C8orf34: variants seen among roughly 807,000 people sequenced by gnomAD.
C8orf34 encodes uncharacterized protein C8orf34.
In C8orf34, 65 loss-of-function variants were observed where a neutral mutation model predicts 68.3. The observed-to-expected ratio is 0.95, with a 90% CI of 0.78 to 1.17. The LOEUF is 1.17. Ranked by LOEUF, C8orf34 falls within the 50% of genes most tolerant of loss-of-function variation. C8orf34 has a pLI of 0.00. For synonymous variants in C8orf34, 244 were observed against 241.2 expected (o/e 1.01, Z -0.11); for missense variants, 664 against 655.4 (o/e 1.01, Z -0.14).
chr8:68,737,393 A>C (rs1822151538), intron 10 of C8orf34, among the ~76,000 whole-genome samples: 1 of 152,058 alleles, frequency 6.6e-6, no homozygotes, highest in Non-Finnish European at 1.5e-5. Flanking sequence ...TCTCCACTGC[A>C]ACTTCCTGAT....
At chr8:68,512,831 AC>A (rs1814336718) in intron 5 of C8orf34, among the ~76,000 whole-genome samples, 1 of 151,652 alleles carries the variant, frequency 6.6e-6, no homozygotes, top group Non-Finnish European at 1.5e-5. Flanking sequence ...GTTCTTACAC[AC>A]CTTGCATGTA....
At chr8:68,372,325 A>G (rs1483910349) in intron 1 of C8orf34, among the ~76,000 whole-genome samples, 1 of 152,154 alleles carries the variant, frequency 6.6e-6, no homozygotes, top group African/African-American at 2.4e-5. Flanking sequence ...GGAAGCAGCT[A>G]CCCCTAAAGC....
At chr8:68,774,562 C>T (rs11995110) in intron 10 of C8orf34, among the ~76,000 whole-genome samples, 74,695 of 151,106 alleles carry the variant, frequency 0.49, 20,924 homozygotes, top group African/African-American at 0.76. Flanking sequence ...ATTTAAACTA[C>T]GGCATATTAA....
intron 7 of C8orf34, among the ~76,000 whole-genome samples, chr8:68,618,002 T>A (rs1451005515): frequency 6.6e-6 from 1 of 152,026 alleles, no homozygotes; most frequent in Admixed American, 6.6e-5. Flanking sequence ...TCTTTTTTCT[T>A]TTATGCCTTT....
intron 10 of C8orf34, among the ~76,000 whole-genome samples, chr8:68,755,827 C>T (rs542095763): frequency 2.6e-5 from 4 of 151,758 alleles, no homozygotes; most frequent in South Asian, 2.1e-4. Flanking sequence ...TTTGGGAGGC[C>T]GAAGCAGGTG....
intron 8 of C8orf34, among the ~76,000 whole-genome samples, chr8:68,643,861 A>G (rs1490440239): frequency 1.3e-5 from 2 of 152,210 alleles, no homozygotes; most frequent in Non-Finnish European, 2.9e-5. Context: ...AAATCAGTGC[A>G]GCTGATAACA....
intron 3 of C8orf34, among the ~76,000 whole-genome samples, chr8:68,466,762 T>G (rs1014804943): frequency 4.6e-5 from 6 of 131,284 alleles, no homozygotes; most frequent in Non-Finnish European, 8.3e-5. Context: ...TATATATATA[T>G]ATAGATGCTT....
At chr8:68,431,287 T>C (rs977928985) in intron 1 of C8orf34, among the ~76,000 whole-genome samples, 4 of 152,234 alleles carry the variant, frequency 2.6e-5, no homozygotes, top group Non-Finnish European at 5.9e-5. Context: ...TACACATTTT[T>C]TATAAATGAT....
intron 12 of C8orf34, among the ~76,000 whole-genome samples, chr8:68,790,239 C>T (rs1244155727): frequency 6.6e-6 from 1 of 152,182 alleles, no homozygotes; most frequent in Non-Finnish European, 1.5e-5. Context: ...GATCATCTGC[C>T]TCTGTCTCAG....
chr8:68,510,519 G>T (rs1002402380), intron 5 of C8orf34, among the ~76,000 whole-genome samples: 3 of 152,086 alleles, frequency 2.0e-5, no homozygotes, highest in Non-Finnish European at 1.5e-5. Flanking sequence ...GAACAAGCAG[G>T]GTTAGTCTAA....
chr8:68,803,892 T>C (rs980982987), intron 12 of C8orf34, among the ~76,000 whole-genome samples: 1 of 152,202 alleles, frequency 6.6e-6, no homozygotes, highest in African/African-American at 2.4e-5. Context: ...ATAGGCAGTG[T>C]TGAAAGTGTT....
At chr8:68,783,240 A>G (rs1400507655) in intron 11 of C8orf34, among the ~76,000 whole-genome samples, 1 of 152,018 alleles carries the variant, frequency 6.6e-6, no homozygotes, top group Non-Finnish European at 1.5e-5. Flanking sequence ...GCTGCTGCTC[A>G]CTGAAATAGA....
intron 4 of C8orf34, among the ~76,000 whole-genome samples, chr8:68,474,523 T>A (rs1038523878): frequency 1.3e-5 from 2 of 152,134 alleles, no homozygotes; most frequent in African/African-American, 4.8e-5. Flanking sequence ...CTGCCCTGTG[T>A]TAGAAAAAAA....
At chr8:68,513,980 C>T (rs1237272719) in intron 5 of C8orf34, among the ~76,000 whole-genome samples, 1 of 152,070 alleles carries the variant, frequency 6.6e-6, no homozygotes, top group Non-Finnish European at 1.5e-5. Context: ...ATTTTGAATC[C>T]CCATTTTACT....
At chr8:68,805,406 G>A (rs1824453558) in intron 12 of C8orf34, among the ~76,000 whole-genome samples, 1 of 152,176 alleles carries the variant, frequency 6.6e-6, no homozygotes, top group African/African-American at 2.4e-5. Flanking sequence ...TATGTTTTGG[G>A]GGGTGTTGTT....
intron 12 of C8orf34, among the ~76,000 whole-genome samples, chr8:68,800,670 T>C (rs1824304328): frequency 1.3e-5 from 2 of 152,190 alleles, no homozygotes; most frequent in South Asian, 4.1e-4. Context: ...ACTGTATAGG[T>C]AGTCTCATTG....
chr8:68,521,107 T>G (rs911471285), intron 5 of C8orf34, among the ~76,000 whole-genome samples: 1 of 152,214 alleles, frequency 6.6e-6, no homozygotes, highest in African/African-American at 2.4e-5. Flanking sequence ...GGATATACAC[T>G]GATATGAATT....
intron 1 of C8orf34, among the ~76,000 whole-genome samples, chr8:68,342,860 T>G (rs542895608): frequency 2.0e-5 from 3 of 152,222 alleles, no homozygotes; most frequent in Admixed American, 2.0e-4. Context: ...AGAGAAGCCT[T>G]AATGTGCTTA....
intron 8 of C8orf34, among the ~76,000 whole-genome samples, chr8:68,654,497 G>A (rs192987195): frequency 1.5e-4 from 23 of 152,078 alleles, no homozygotes; most frequent in Admixed American, 4.6e-4. Flanking sequence ...CATATGTATT[G>A]ATTCATTTGT....
Sources: allele counts gnomAD v4.1 joint callset (sites outside exome capture counted in the v4.1 genomes callset), GRCh38; gene constraint gnomAD v4.1.1; transcripts MANE v1.5; gene names NCBI Gene and HGNC (gene_info 2026-07-23, HGNC 2026-07-21).